ARG2: variants seen among roughly 807,000 people sequenced by gnomAD.
ARG2 encodes arginase 2.
Under a neutral mutation model 39.4 loss-of-function variants are expected in ARG2, and 21 were observed. That is an observed-to-expected ratio of 0.53 (90% CI 0.38 to 0.77). The LOEUF (loss-of-function observed/expected upper bound fraction) is 0.77. ARG2 is among the 30% of genes least tolerant of loss of function. The pLI, the probability that ARG2 is intolerant of heterozygous loss-of-function variation, is 0.00. For synonymous variants in ARG2, 150 were observed against 156.7 expected (o/e 0.96, Z 0.32); for missense variants, 378 against 426.2 (o/e 0.89, Z 1.00).
intron 3 of ARG2, among the ~76,000 whole-genome samples, chr14:67,642,573 T>G (rs1229432666): frequency 1.3e-5 from 2 of 152,170 alleles, no homozygotes; most frequent in East Asian, 3.9e-4. Context: ...CATTGCACAG[T>G]AAGAATATGT....
chr14:67,638,729 G>A (rs976025375), intron 2 of ARG2, among the ~76,000 whole-genome samples: 1 of 152,232 alleles, frequency 6.6e-6, no homozygotes, highest in Non-Finnish European at 1.5e-5. Context: ...AATCCCTTTA[G>A]AGGAGGCTGG....
chr14:67,631,430 CTTTCTTTT>C (rs1263060760), intron 2 of ARG2, among the ~76,000 whole-genome samples: 3 of 128,490 alleles, frequency 2.3e-5, no homozygotes, highest in Admixed American at 8.1e-5. Context: ...TCCTTTCTTT[CTTTCTTTT>C]TTTTTTTTTT....
At chr14:67,640,864 T>C (rs972723811) in intron 2 of ARG2, among the ~76,000 whole-genome samples, 2 of 152,184 alleles carry the variant, frequency 1.3e-5, no homozygotes, top group African/African-American at 2.4e-5. Flanking sequence ...ACAAACTGCA[T>C]AGTAAAGGAT....
chr14:67,630,537 C>T lies in ARG2; in HGVS notation c.184+9571C>T, dbSNP rs115019816. On this transcript the variant is annotated intron_variant, in intron 2 of 7. Coordinates refer to ENST00000261783, the MANE Select transcript of ARG2 (RefSeq NM_001172.4). ...ATTGTCCAGAACTAGTTCATGTGACCACATCCAGTTACAAGCGAGGTTAGT... is the reference window on the plus strand; with the variant it reads ...ATTGTCCAGAACTAGTTCATGTGACTACATCCAGTTACAAGCGAGGTTAGT... 4.3e-3 allele frequency among the ~76,000 whole-genome samples: 652 copies of T among 152,266 alleles called. 7 individuals carry two copies. Among genetic ancestry groups the T allele is most frequent in the African/African-American group, 0.015 (628 of 41,564 alleles).
intron 2 of ARG2, among the ~76,000 whole-genome samples, chr14:67,636,201 A>G (rs2036970241): frequency 6.6e-6 from 1 of 152,066 alleles, no homozygotes; most frequent in Admixed American, 6.6e-5. Flanking sequence ...TTGACTTGCT[A>G]TGAGCCCTGG....
chr14:67,645,783 T>C lies in ARG2; in HGVS notation c.503T>C (p.Leu168Pro). 6.2e-7 allele frequency: 1 copy of C among 1,613,960 alleles called. No homozygotes were observed. The highest frequency in any genetic ancestry group is 8.5e-7 in the Non-Finnish European group (1 of 1,179,904). ...NLHGQPVSFL[L>P]RELQDKVPQL... ...CATGGACAGCCAGTTTCATTTCTCC[T>C]CAGAGAACTACAGGATAAGGTCAGT... The change falls in exon 4 of 8, where the codon CTC (leucine) becomes CCC (proline). Residue 168 changes from leucine (L) to proline (P), a missense_variant. Transcript: ENST00000261783.
intron 6 of ARG2, 89 bp from the exon 7 acceptor site, chr14:67,647,957 TC>T: frequency 2.3e-5 from 30 of 1,282,920 alleles, no homozygotes; most frequent in Non-Finnish European, 3.1e-5. Context: ...AGCAACAAAA[TC>T]AAGGAGTTGC....
At chr14:67,636,252 T>C (rs2036971026) in intron 2 of ARG2, among the ~76,000 whole-genome samples, 1 of 151,422 alleles carries the variant, frequency 6.6e-6, no homozygotes, top group African/African-American at 2.4e-5. Context: ...TGGGATAGTC[T>C]TATGCTGTCA....
intron 2 of ARG2, among the ~76,000 whole-genome samples, chr14:67,624,808 C>T (rs2036845986): frequency 6.6e-6 from 1 of 152,178 alleles, no homozygotes; most frequent in African/African-American, 2.4e-5. Flanking sequence ...CAAAGGCTTG[C>T]AGCAATCTGG....
At chr14:67,646,159 T>TGG (rs1287707503) in intron 4 of ARG2, among the ~76,000 whole-genome samples, 1 of 152,140 alleles carries the variant, frequency 6.6e-6, no homozygotes, top group Non-Finnish European at 1.5e-5. Flanking sequence ...TCAGAATATA[T>TGG]GGGAGTCCAT....
chr14:67,634,969 C>T (rs946483204), intron 2 of ARG2, among the ~76,000 whole-genome samples: 8 of 152,196 alleles, frequency 5.3e-5, no homozygotes, highest in East Asian at 1.9e-4. Context: ...TTTGGCTGGG[C>T]GCACGGTGGC....
At chr14:67,630,998 T>A (rs1177099181) in intron 2 of ARG2, among the ~76,000 whole-genome samples, 2 of 152,156 alleles carry the variant, frequency 1.3e-5, no homozygotes, top group African/African-American at 2.4e-5. Context: ...GGCAGTGCCC[T>A]CTCCCTATGC....
chr14:67,646,860 A>G (rs2140781210), intron 5 of ARG2, 61 bp from the exon 6 acceptor site: 2 of 1,398,150 alleles, frequency 1.4e-6, no homozygotes, highest in Non-Finnish European at 2.0e-6. Flanking sequence ...TCTCCCCCAA[A>G]TACATATTTG....
chr14:67,643,113 T>G (rs1403631892), intron 3 of ARG2, among the ~76,000 whole-genome samples: 2 of 152,158 alleles, frequency 1.3e-5, no homozygotes, highest in Non-Finnish European at 2.9e-5. Context: ...GTGGATACAT[T>G]TTCTGCCTCC....
rs78980261 is a variant in ARG2, at chr14:67,639,136, C to T, written c.185-3050C>T. 3.3e-3 allele frequency among the ~76,000 whole-genome samples: 507 copies of T among 152,316 alleles called. 19 individuals are homozygous for T. In the East Asian group the frequency reaches 0.082, roughly 25 times the overall value. ...GAAATTCAGTCTCTCTTCCTGGGAACGTTACTGTAAGATTGCCAAATTCTC... is the reference window on the plus strand; with the variant it reads ...GAAATTCAGTCTCTCTTCCTGGGAATGTTACTGTAAGATTGCCAAATTCTC... On this transcript the variant is annotated intron_variant, in intron 2 of 7. Coordinates refer to ENST00000261783, the MANE Select transcript of ARG2 (RefSeq NM_001172.4).
intron 3 of ARG2, among the ~76,000 whole-genome samples, chr14:67,644,929 C>T (rs1165185493): frequency 6.6e-6 from 1 of 150,672 alleles, no homozygotes; most frequent in African/African-American, 2.4e-5. Flanking sequence ...ACCCAGGAGG[C>T]GGACGTTGTA....
intron 7 of ARG2, 115 bp from the exon 8 acceptor site, chr14:67,650,600 C>A (rs1258926980): frequency 3.3e-6 from 3 of 899,814 alleles, no homozygotes; most frequent in Non-Finnish European, 5.3e-6. Context: ...GTATTTTCTA[C>A]TATAAAATGG....
intron 3 of ARG2, 28 bp from the exon 4 acceptor site, chr14:67,645,615 C>T (rs1012702121): frequency 6.1e-5 from 97 of 1,602,624 alleles, no homozygotes; most frequent in Non-Finnish European, 7.8e-5. Context: ...AAGCAGAGGG[C>T]CTTCAAGATT....
intron 6 of ARG2, chr14:67,647,753 T>G: frequency 3.6e-6 from 1 of 274,312 alleles, no homozygotes; most frequent in Non-Finnish European, 6.8e-6. Flanking sequence ...TTGACAGTTA[T>G]TAGTATAAGA....
Sources: allele counts gnomAD v4.1 joint callset (sites outside exome capture counted in the v4.1 genomes callset), GRCh38; gene constraint gnomAD v4.1.1; transcripts MANE v1.5; gene names NCBI Gene and HGNC (gene_info 2026-07-23, HGNC 2026-07-21).